Variants in GABRB2 observed in about 807,000 individuals in gnomAD.
GABRB2 encodes gamma-aminobutyric acid type A receptor subunit beta2, also known as gamma-aminobutyric acid receptor subunit beta-2.
GABRB2 carries 16 observed loss-of-function variants against 54.7 expected under a neutral mutation model. That is an observed-to-expected ratio of 0.29 (90% CI 0.20 to 0.44). The LOEUF is 0.44. Among genes scored for constraint, GABRB2 ranks in the 20% least tolerant of loss-of-function variants. The pLI is 1.00. For synonymous variants in GABRB2, 244 were observed against 233.8 expected (o/e 1.04, Z -0.40); for missense variants, 355 against 644.0 (o/e 0.55, Z 4.86).
At chr5:161,436,643 T>G (rs541456875) in intron 4 of GABRB2, among the ~76,000 whole-genome samples, 2 of 152,058 alleles carry the variant, frequency 1.3e-5, no homozygotes, top group Admixed American at 1.3e-4. Context: ...TTAACAACTA[T>G]CTACACAGAA....
intron 5 of GABRB2, among the ~76,000 whole-genome samples, chr5:161,349,501 C>G (rs1371242927): frequency 6.6e-6 from 1 of 152,082 alleles, no homozygotes; most frequent in Non-Finnish European, 1.5e-5. Context: ...CTTAATTCCC[C>G]TCCCCTGGAG....
intron 5 of GABRB2, among the ~76,000 whole-genome samples, chr5:161,398,725 C>G (rs1561636527): frequency 6.6e-6 from 1 of 151,820 alleles, no homozygotes; most frequent in Non-Finnish European, 1.5e-5. Context: ...GAGTCTCGCT[C>G]TGTTGCCAGG....
chr5:161,539,458 G>C (rs926961550), intron 3 of GABRB2, among the ~76,000 whole-genome samples: 1 of 152,090 alleles, frequency 6.6e-6, no homozygotes, highest in South Asian at 2.1e-4. Flanking sequence ...TGATTTTCTA[G>C]ATTTTCAAAT....
intron 5 of GABRB2, among the ~76,000 whole-genome samples, chr5:161,342,041 TTG>T (rs1373035184): frequency 1.3e-5 from 2 of 150,042 alleles, no homozygotes; most frequent in Non-Finnish European, 3.0e-5. Flanking sequence ...TTTTTAAACT[TTG>T]TTTCTCATTT....
chr5:161,333,762 T>A (rs924428092), intron 7 of GABRB2, among the ~76,000 whole-genome samples: 3 of 152,146 alleles, frequency 2.0e-5, no homozygotes, highest in Non-Finnish European at 2.9e-5. Flanking sequence ...TCTGGAATAT[T>A]ATCACCCAGG....
At chr5:161,326,282 G>T in intron 9 of GABRB2, 86 bp downstream of exon 9, 2 of 1,569,114 alleles carry the variant, frequency 1.3e-6, no homozygotes, top group East Asian at 2.3e-5. Context: ...TATCTGCAAA[G>T]ATCCCACACA....
intron 5 of GABRB2, among the ~76,000 whole-genome samples, chr5:161,350,866 C>T (rs1218133862): frequency 6.6e-6 from 1 of 152,082 alleles, no homozygotes; most frequent in East Asian, 1.9e-4. Context: ...CTTGGACTTA[C>T]ACCAGTGACT....
chr5:161,455,221 A>G (rs1213872648), intron 4 of GABRB2, among the ~76,000 whole-genome samples: 1 of 150,264 alleles, frequency 6.7e-6, no homozygotes. Context: ...GCTTTTGCAG[A>G]AAGAAAATTT....
intron 5 of GABRB2, among the ~76,000 whole-genome samples, chr5:161,354,275 C>T (rs1561619467): frequency 6.6e-6 from 1 of 152,024 alleles, no homozygotes; most frequent in African/African-American, 2.4e-5. Context: ...TAGAGTGAAA[C>T]TCTGCTCTAA....
chr5:161,363,216 A>G (rs931489444), intron 5 of GABRB2, among the ~76,000 whole-genome samples: 1 of 152,224 alleles, frequency 6.6e-6, no homozygotes, highest in Non-Finnish European at 1.5e-5. Context: ...GGATGAGTTC[A>G]TGTCCTTTGC....
chr5:161,484,067 T>C (rs1026137503), intron 3 of GABRB2, among the ~76,000 whole-genome samples: 2 of 151,200 alleles, frequency 1.3e-5, no homozygotes, highest in Non-Finnish European at 3.0e-5. Flanking sequence ...ACAAAGAAAA[T>C]GAAAAAAAAA....
Position 161,294,022 on chromosome 5 carries a change from A to C in GABRB2, c.*59T>G, listed in dbSNP as rs1011356933. On this transcript the variant is annotated 3_prime_UTR_variant, in exon 10 of 10. Transcript: ENST00000393959. Reference sequence around the variant, plus strand: ...TGATGTGTTTTCCAAGTCCTACATCAGGCTGTACAACTGGTTTGAGGAGGA... The same window carrying C: ...TGATGTGTTTTCCAAGTCCTACATCCGGCTGTACAACTGGTTTGAGGAGGA... 7 of 1,292,584 alleles carry C rather than the reference A, an allele frequency of 5.4e-6. No individual in the cohort carries two copies. The East Asian group carries it at 1.6e-4, about 30-fold the overall frequency. 80.1% of individuals were successfully genotyped at this position (1,292,584 alleles called of 1,614,324 possible). A position where few individuals can be genotyped will look rare whatever the true frequency, so the allele number is the denominator to read the frequency against.
chr5:161,498,976 G>A (rs113706867), intron 3 of GABRB2, among the ~76,000 whole-genome samples: 55 of 152,116 alleles, frequency 3.6e-4, no homozygotes, highest in African/African-American at 1.2e-3. Flanking sequence ...CTACCCCCAC[G>A]TCCTCACGTC....
intron 4 of GABRB2, among the ~76,000 whole-genome samples, chr5:161,432,309 A>G (rs958907861): frequency 1.3e-5 from 2 of 152,222 alleles, no homozygotes; most frequent in Non-Finnish European, 2.9e-5. Flanking sequence ...TGAATGAATT[A>G]GTCTGATTCT....
upstream of GABRB2, chr5:161,547,051 A>G (rs892385018): frequency 1.1e-4 from 19 of 168,826 alleles, no homozygotes; most frequent in South Asian, 1.6e-3. Flanking sequence ...GCAAAACCAG[A>G]TTAGAAAATT....
intron 5 of GABRB2, among the ~76,000 whole-genome samples, chr5:161,369,664 A>T (rs1561625300): frequency 6.6e-6 from 1 of 152,100 alleles, no homozygotes; most frequent in South Asian, 2.1e-4. Flanking sequence ...ATGTTTTTTT[A>T]ACCCTTGGGA....
chr5:161,497,790 C>A (rs1296383360), intron 3 of GABRB2, among the ~76,000 whole-genome samples: 1 of 152,068 alleles, frequency 6.6e-6, no homozygotes, highest in Non-Finnish European at 1.5e-5. Flanking sequence ...GACAGAGAGG[C>A]CTTGGGGCAT....
intron 3 of GABRB2, among the ~76,000 whole-genome samples, chr5:161,486,549 A>G (rs558465689): frequency 6.6e-6 from 1 of 151,846 alleles, no homozygotes; most frequent in Non-Finnish European, 1.5e-5. Flanking sequence ...CAGGCATACC[A>G]TCTCAGCCTG....
intron 3 of GABRB2, among the ~76,000 whole-genome samples, chr5:161,540,202 A>G (rs894662643): frequency 6.6e-6 from 1 of 152,218 alleles, no homozygotes; most frequent in Non-Finnish European, 1.5e-5. Flanking sequence ...CGCTTTATCA[A>G]CTGAGTTTAT....
Sources: allele counts gnomAD v4.1 joint callset (sites outside exome capture counted in the v4.1 genomes callset), GRCh38; gene constraint gnomAD v4.1.1; transcripts MANE v1.5; gene names NCBI Gene and HGNC (gene_info 2026-07-23, HGNC 2026-07-21).